Variants in GPM6B observed in about 807,000 individuals in gnomAD.
The protein encoded by GPM6B is glycoprotein M6B.
Under a neutral mutation model 27.2 loss-of-function variants are expected in GPM6B, and 4 were observed. The observed-to-expected ratio is 0.15, with a 90% CI of 0.07 to 0.34. GPM6B has a LOEUF of 0.34. GPM6B is among the 10% of genes least tolerant of loss of function. The probability of loss-of-function intolerance (pLI) is 1.00; values close to 1 mark genes in which losing one functional copy is unlikely to be tolerated. For missense variants in GPM6B, 183 were observed against 261.9 expected (o/e 0.70, Z 2.08); for synonymous variants, 124 against 103.1 (o/e 1.20, Z -1.23).
At chrX:13,871,104 CAAAACAAAACA>C (rs199608362) in intron 1 of GPM6B, among the ~76,000 whole-genome samples, 2,206 of 41,288 alleles carry the variant, frequency 0.053, 60 homozygotes, top group East Asian at 0.48. Flanking sequence ...CAAAACAAAA[CAAAACAAAACA>C]AAAAAAAAAG....
intron 2 of GPM6B, among the ~76,000 whole-genome samples, chrX:13,793,071 T>C (rs767260059): frequency 1.8e-5 from 2 of 109,279 alleles, no homozygotes; most frequent in Non-Finnish European, 3.8e-5. Flanking sequence ...CTTCTGGAAT[T>C]CAGGAAAAGC....
At chrX:13,923,934 C>T (rs1921044751) in intron 1 of GPM6B, among the ~76,000 whole-genome samples, 1 of 112,026 alleles carries the variant, frequency 8.9e-6, no homozygotes, top group Admixed American at 9.4e-5. Context: ...AAAAATATCT[C>T]ATTTCACTTT....
chrX:13,902,597 C>A (rs1377331832), intron 1 of GPM6B, among the ~76,000 whole-genome samples: 1 of 111,127 alleles, frequency 9.0e-6, no homozygotes, highest in Non-Finnish European at 1.9e-5. Context: ...TCTGCCACAA[C>A]AGCTACCACC....
intron 1 of GPM6B, among the ~76,000 whole-genome samples, chrX:13,898,745 T>C (rs1404394448): frequency 1.2e-4 from 13 of 111,911 alleles, no homozygotes; most frequent in Non-Finnish European, 2.4e-4. Context: ...ATAGAGAAAC[T>C]GGAAGAAGGG....
At chrX:13,877,573 A>G (rs2147008287) in intron 1 of GPM6B, among the ~76,000 whole-genome samples, 1 of 110,327 alleles carries the variant, frequency 9.1e-6, no homozygotes, top group South Asian at 3.9e-4. Flanking sequence ...CTGTAATCCC[A>G]GCACTTTGGA....
At chrX:13,921,600 G>GTTTTT in intron 1 of GPM6B, among the ~76,000 whole-genome samples, 1 of 88,890 alleles carries the variant, frequency 1.1e-5, no homozygotes. Context: ...TTTTTAGACA[G>GTTTTT]AGTCTTACTC....
chrX:13,826,207 C>T, intron 1 of GPM6B, among the ~76,000 whole-genome samples: 1 of 110,514 alleles, frequency 9.0e-6, no homozygotes, highest in Non-Finnish European at 1.9e-5. Flanking sequence ...TGCCCTGAGT[C>T]TAGACTGCCC....
chrX:13,926,011 C>T (rs1219701053), intron 1 of GPM6B, among the ~76,000 whole-genome samples: 2 of 104,922 alleles, frequency 1.9e-5, no homozygotes, highest in Non-Finnish European at 3.9e-5. Flanking sequence ...CCCGAGATCG[C>T]ACCACTGCAC....
chrX:13,822,824 T>C (rs757456906), intron 1 of GPM6B, among the ~76,000 whole-genome samples: 15 of 112,077 alleles, frequency 1.3e-4, no homozygotes, highest in South Asian at 1.1e-3. Flanking sequence ...ATACTTTTTA[T>C]ATAAAGTAGC....
chrX:13,938,462 G>T, upstream of GPM6B: 9 of 885,130 alleles, frequency 1.0e-5, no homozygotes, highest in Non-Finnish European at 1.3e-5. Flanking sequence ...CCGGGGCGGG[G>T]GCGCGAGACC....
chrX:13,794,770 T>C (rs949319587), intron 2 of GPM6B, among the ~76,000 whole-genome samples: 2 of 111,583 alleles, frequency 1.8e-5, no homozygotes, highest in African/African-American at 6.5e-5. Flanking sequence ...CCCCCGAGTA[T>C]GTGCCTTTCG....
At chrX:13,840,057 G>A (rs1416541746) in intron 1 of GPM6B, among the ~76,000 whole-genome samples, 1 of 112,014 alleles carries the variant, frequency 8.9e-6, no homozygotes, top group African/African-American at 3.3e-5. Flanking sequence ...TGACAAAGGT[G>A]TTTAGATACA....
intron 1 of GPM6B, among the ~76,000 whole-genome samples, chrX:13,883,712 T>G (rs1369035498): frequency 1.0e-5 from 1 of 98,849 alleles, no homozygotes; most frequent in African/African-American, 3.7e-5. Flanking sequence ...AAAAAAAAAA[T>G]TAGTCAGGCG....
chrX:13,922,336 C>T (rs1920989296), intron 1 of GPM6B, among the ~76,000 whole-genome samples: 1 of 111,784 alleles, frequency 8.9e-6, no homozygotes, highest in Non-Finnish European at 1.9e-5. Context: ...GGTCTCCAGA[C>T]ATTGCCAACT....
chrX:13,798,256 C>T (rs1406911883), intron 2 of GPM6B, among the ~76,000 whole-genome samples: 1 of 110,129 alleles, frequency 9.1e-6, no homozygotes, highest in Non-Finnish European at 1.9e-5. Flanking sequence ...GCCACATTAA[C>T]CTGGGTGATG....
At chrX:13,780,654 C>G (rs1215803231) in intron 4 of GPM6B, among the ~76,000 whole-genome samples, 2 of 112,215 alleles carry the variant, frequency 1.8e-5, no homozygotes, top group Non-Finnish European at 3.8e-5. Context: ...GCAAGCAAAG[C>G]AACGGCTTAG....
Position 13,830,527 on chromosome X carries a change from A to G in GPM6B, c.-197-44719T>C, listed in dbSNP as rs561765801. 8.9e-5 allele frequency among the ~76,000 whole-genome samples: 10 copies of G among 112,523 alleles called. No individual in the cohort carries two copies. In the South Asian group the frequency reaches 2.6e-3, roughly 29 times the overall value. On this transcript the variant is annotated intron_variant, in intron 1 of 6. Transcript: ENST00000398361. ...GAGTGTTGAGGATGTGCTAATATCA[A>G]TAAGTAAAATCAAAACAATTGAGTT...
At chrX:13,870,782 T>C (rs149015386) in intron 1 of GPM6B, among the ~76,000 whole-genome samples, 1 of 112,110 alleles carries the variant, frequency 8.9e-6, no homozygotes, top group Non-Finnish European at 1.9e-5. Context: ...AAAAGCCACA[T>C]TATCTAGAAC....
At chrX:13,789,774 C>CAAAACA (rs60831232) in intron 2 of GPM6B, among the ~76,000 whole-genome samples, 16 of 106,400 alleles carry the variant, frequency 1.5e-4, no homozygotes, top group African/African-American at 3.8e-4. Flanking sequence ...GACTCCATCT[C>CAAAACA]AAAACAAAAA....
Sources: allele counts gnomAD v4.1 joint callset (sites outside exome capture counted in the v4.1 genomes callset), GRCh38; gene constraint gnomAD v4.1.1; transcripts MANE v1.5; gene names NCBI Gene and HGNC (gene_info 2026-07-23, HGNC 2026-07-21).